The following GPHN variants were observed in gnomAD, a reference collection of about 807,000 sequenced individuals.
GPHN encodes the protein gephyrin.
GPHN carries 17 observed loss-of-function variants against 95.5 expected under a neutral mutation model. The observed-to-expected ratio is 0.18, with a 90% CI of 0.12 to 0.27. The LOEUF (loss-of-function observed/expected upper bound fraction) is 0.27. Among genes scored for constraint, GPHN ranks in the 10% least tolerant of loss-of-function variants. The pLI, the probability that GPHN is intolerant of heterozygous loss-of-function variation, is 1.00. For synonymous variants in GPHN, 320 were observed against 322.5 expected, an observed-to-expected ratio of 0.99 and a Z score of 0.08; for missense variants, 660 against 978.1, an observed-to-expected ratio of 0.67 and a Z score of 4.34.
At chr14:67,585,418 C>T in the GPHN span, 1 of 631,752 alleles carries the variant, frequency 1.6e-6, no homozygotes, top group Non-Finnish European at 2.8e-6. Flanking sequence ...CCTGCATACA[C>T]TGTACAAATA....
At chr14:67,685,863 A>C in the GPHN span, among the ~76,000 whole-genome samples, 19,392 of 151,856 alleles carry the variant, frequency 0.13, 1,290 homozygotes, top group East Asian at 0.21. Flanking sequence ...TGATCTGCCC[A>C]CCTCGGCCTC....
the GPHN span, chr14:67,656,661 C>T: frequency 1.3e-6 from 2 of 1,487,470 alleles, no homozygotes; most frequent in Non-Finnish European, 1.8e-6. Flanking sequence ...TTCCTCATCA[C>T]CTTCCCCATG....
chr14:67,287,516 A>G, the GPHN span, among the ~76,000 whole-genome samples: 2 of 152,208 alleles, frequency 1.3e-5, no homozygotes, highest in East Asian at 3.9e-4. Flanking sequence ...AATATGTTCT[A>G]TCATACCAGA....
At chr14:67,232,287 ACCAGC>A in the GPHN span, among the ~76,000 whole-genome samples, 1 of 152,190 alleles carries the variant, frequency 6.6e-6, no homozygotes, top group Admixed American at 6.5e-5. Context: ...CTTGGGGGAA[ACCAGC>A]TGTTCCTTAC....
intron 9 of GPHN, among the ~76,000 whole-genome samples, chr14:66,977,658 T>G (rs1387785568): frequency 1.3e-5 from 2 of 152,300 alleles, no homozygotes; most frequent in East Asian, 3.9e-4. Context: ...ATTAAGAATA[T>G]TTAATGACAT....
chr14:66,586,694 T>G (rs1016912027), intron 1 of GPHN, among the ~76,000 whole-genome samples: 5 of 152,198 alleles, frequency 3.3e-5, no homozygotes, highest in Admixed American at 1.3e-4. Flanking sequence ...ATTCTTTTCT[T>G]TAAGAATATT....
chr14:66,854,248 A>C (rs1198580655), intron 4 of GPHN, among the ~76,000 whole-genome samples: 1 of 152,180 alleles, frequency 6.6e-6, no homozygotes, highest in Non-Finnish European at 1.5e-5. Context: ...CAGTCTCAAT[A>C]CCCTTCAGTC....
At chr14:67,116,871 A>C (rs867940906) in intron 16 of GPHN, among the ~76,000 whole-genome samples, 1 of 152,236 alleles carries the variant, frequency 6.6e-6, no homozygotes. Context: ...TAAGCCAGGC[A>C]ATTAGCTTAA....
intron 8 of GPHN, among the ~76,000 whole-genome samples, chr14:66,961,906 A>G (rs1165624157): frequency 5.0e-4 from 32 of 63,594 alleles, no homozygotes; most frequent in Admixed American, 8.8e-4. Context: ...ATGTGTATAT[A>G]TATATATATA....
intron 2 of GPHN, among the ~76,000 whole-genome samples, chr14:66,687,511 G>A (rs187044650): frequency 4.6e-5 from 6 of 129,034 alleles, no homozygotes; most frequent in East Asian, 4.3e-4. Context: ...TTTTTGAGAC[G>A]GAGTTTCGCT....
chr14:67,038,233 A>G (rs780633819), intron 10 of GPHN, among the ~76,000 whole-genome samples: 1 of 152,124 alleles, frequency 6.6e-6, no homozygotes, highest in African/African-American at 2.4e-5. Context: ...GGTTCTACTT[A>G]TATGAGACAT....
At chr14:67,662,825 C>G in the GPHN span, among the ~76,000 whole-genome samples, 1,157 of 151,328 alleles carry the variant, frequency 7.6e-3, 13 homozygotes, top group Middle Eastern at 0.027. Flanking sequence ...AATGCTTGAA[C>G]CCAGGAGGTG....
the GPHN span, among the ~76,000 whole-genome samples, chr14:67,496,399 T>TTGTTTTG: frequency 1.6e-5 from 2 of 122,054 alleles, no homozygotes; most frequent in Non-Finnish European, 3.4e-5. Context: ...GCGTTTTTTT[T>TTGTTTTG]TTTTTTTTTT....
At chr14:67,656,332 GC>G in the GPHN span, 1 of 1,303,726 alleles carries the variant, frequency 7.7e-7, no homozygotes, top group Non-Finnish European at 1.0e-6. Context: ...AACTGCTGTA[GC>G]TTTTGGCCTT....
At chr14:67,586,080 CGGAT>C in the GPHN span, 1 of 1,613,894 alleles carries the variant, frequency 6.2e-7, no homozygotes. Context: ...GTTGATCTTC[CGGAT>C]GGCTGCTCCC....
chr14:66,731,585 A>C (rs1469463889), intron 2 of GPHN, among the ~76,000 whole-genome samples: 1 of 152,236 alleles, frequency 6.6e-6, no homozygotes, highest in Non-Finnish European at 1.5e-5. Flanking sequence ...ACTTATGTTT[A>C]AAAGGGAAGC....
chr14:66,538,370 T>C (rs2059218888), intron 1 of GPHN, among the ~76,000 whole-genome samples: 1 of 151,980 alleles, frequency 6.6e-6, no homozygotes, highest in Non-Finnish European at 1.5e-5. Flanking sequence ...TTTATATCTT[T>C]ATATTTTGCT....
At chr14:67,100,714 G>A in intron 12 of GPHN, 142 bp from the exon 13 acceptor site, 4 of 691,354 alleles carry the variant, frequency 5.8e-6, no homozygotes, top group Non-Finnish European at 1.1e-5. Flanking sequence ...CCATTGTCAA[G>A]TCTAGGAGAT....
At chr14:67,031,126 C>G (rs369316169) in intron 10 of GPHN, among the ~76,000 whole-genome samples, 1 of 152,048 alleles carries the variant, frequency 6.6e-6, no homozygotes, top group South Asian at 2.1e-4. Flanking sequence ...CCCAGGTTCT[C>G]GACTTATTAC....
Sources: gnomAD v4.1 joint callset for allele counts (sites outside exome capture counted in the v4.1 genomes callset) on GRCh38, gnomAD v4.1.1 for gene constraint, MANE v1.5 for transcripts, NCBI Gene and HGNC (gene_info 2026-07-23, HGNC 2026-07-21) for gene names.